TUBGCP3: variants seen among roughly 807,000 people sequenced by gnomAD.
The protein encoded by TUBGCP3 is tubulin gamma complex component 3.
A neutral mutation model predicts 123.1 loss-of-function variants in TUBGCP3; 50 were observed. The ratio of observed to expected loss-of-function variants is 0.41; its 90% CI spans 0.32 to 0.51. The LOEUF (loss-of-function observed/expected upper bound fraction) is 0.51. TUBGCP3 is among the 20% of genes least tolerant of loss of function. The pLI is 0.36. For synonymous variants in TUBGCP3, 405 were observed against 413.9 expected, an observed-to-expected ratio of 0.98 and a Z score of 0.26; for missense variants, 882 against 1,127.0, an observed-to-expected ratio of 0.78 and a Z score of 3.11.
chr13:112,486,886 T>C (rs1211022112), intron 21 of TUBGCP3, among the ~76,000 whole-genome samples: 2 of 152,240 alleles, frequency 1.3e-5, no homozygotes, highest in Middle Eastern at 3.2e-3. Context: ...GAAAACTCAC[T>C]GAGGCACTGC....
chr13:112,502,346 C>T lies in TUBGCP3; in HGVS notation c.2307+1686G>A, dbSNP rs181200608. On this transcript the variant is annotated intron_variant, in intron 19 of 21. Coordinates refer to ENST00000261965, the MANE Select transcript of TUBGCP3 (RefSeq NM_006322.6). ...ACAGGCCGTGCTGGCCAACAGCACA[C>T]GGGTCTAGGAACAGAGAGCTATTTG... Among the ~76,000 whole-genome samples the T allele has an allele frequency of 2.6e-5, 4 of 152,212 alleles. No homozygotes were observed. The East Asian group carries it at 5.8e-4, about 22-fold the overall frequency.
intron 8 of TUBGCP3, among the ~76,000 whole-genome samples, chr13:112,549,890 T>G (rs369210502): frequency 4.1e-5 from 6 of 147,448 alleles, no homozygotes; most frequent in African/African-American, 1.3e-4. Context: ...CTCAGGAGGC[T>G]GAGGCAGGAG....
At chr13:112,555,911 GGGACTCT>G (rs968681785) in intron 6 of TUBGCP3, 134 bp downstream of exon 6, 4 of 963,332 alleles carry the variant, frequency 4.2e-6, no homozygotes, top group Non-Finnish European at 2.9e-6. Context: ...CAGACCACCA[GGGACTCT>G]GGACTTCATC....
At chr13:112,537,039 T>C (rs1223240582) in intron 11 of TUBGCP3, among the ~76,000 whole-genome samples, 1 of 151,712 alleles carries the variant, frequency 6.6e-6, no homozygotes, top group East Asian at 1.9e-4. Context: ...CCTCCCAAAA[T>C]GCTGGGATTA....
chr13:112,515,084 A>G (rs1196982182), intron 17 of TUBGCP3, among the ~76,000 whole-genome samples: 1 of 152,238 alleles, frequency 6.6e-6, no homozygotes, highest in East Asian at 1.9e-4. Context: ...TCCCATACAT[A>G]GAAAACTGAT....
At chr13:112,551,159 A>C (rs1470825386) in intron 8 of TUBGCP3, among the ~76,000 whole-genome samples, 2 of 152,212 alleles carry the variant, frequency 1.3e-5, no homozygotes, top group Non-Finnish European at 1.5e-5. Flanking sequence ...CAACGTGTAG[A>C]ATCTAAGTAT....
In TUBGCP3 at chr13:112,547,617, G is replaced by A. The variant is rs1209141458; in HGVS notation, c.1168+3C>T. 1.3e-6 allele frequency: 2 copies of A among 1,521,498 alleles called. No individual in the cohort carries two copies. The highest frequency in any genetic ancestry group is 1.3e-5 in the South Asian group (1 of 78,890). The allele number at this position is 1,521,498 out of a possible 1,614,324, so 94.2% of individuals were successfully genotyped here. A position where few individuals can be genotyped will look rare whatever the true frequency, so the allele number is the denominator to read the frequency against. On this transcript the variant is annotated splice_donor_region_variant and intron_variant, in intron 10 of 21. Transcript: ENST00000261965. ...ACGTGCGTGGGAAAGACGCGCGTGG[G>A]ACCTTGGCAGTGGTCCACTAGGGCC...
At chr13:112,597,667 A>G in the TUBGCP3 span, among the ~76,000 whole-genome samples, 1 of 152,224 alleles carries the variant, frequency 6.6e-6, no homozygotes, top group South Asian at 2.1e-4. Context: ...AAAAACATTA[A>G]CTGAAATTAA....
chr13:112,584,359 G>C (rs1221662339), intron 1 of TUBGCP3, among the ~76,000 whole-genome samples: 3 of 152,136 alleles, frequency 2.0e-5, no homozygotes, highest in Non-Finnish European at 4.4e-5. Flanking sequence ...AATCCATCAA[G>C]TACAACTTGA....
intron 3 of TUBGCP3, among the ~76,000 whole-genome samples, chr13:112,562,011 G>A (rs1331487988): frequency 6.6e-6 from 1 of 152,156 alleles, no homozygotes; most frequent in Non-Finnish European, 1.5e-5. Context: ...GACGGAAACA[G>A]GGAAACCACA....
chr13:112,545,398 A>G lies in TUBGCP3; in HGVS notation c.1335+301T>C, dbSNP rs1286956851. On this transcript the variant is annotated intron_variant, in intron 11 of 21. Transcript: ENST00000261965. The surrounding 1 kb of genome is among the most constrained non-coding windows in gnomAD (Gnocchi z 4.1). ...AATCTGCGATGATGACTGCCCCAAGACTCAGGAGGCCTCGTCCTGTTTTGC... is the reference window on the plus strand; with the variant it reads ...AATCTGCGATGATGACTGCCCCAAGGCTCAGGAGGCCTCGTCCTGTTTTGC... The G allele has an allele frequency of 3.0e-6, 1 of 333,874 alleles. No individual in the cohort carries two copies. The highest frequency in any genetic ancestry group is 5.3e-5 in the East Asian group (1 of 18,774). 20.7% of individuals were successfully genotyped at this position (333,874 alleles called of 1,614,324 possible). A position where few individuals can be genotyped will look rare whatever the true frequency, so the allele number is the denominator to read the frequency against.
intron 11 of TUBGCP3, among the ~76,000 whole-genome samples, chr13:112,532,312 C>A (rs926787219): frequency 3.3e-5 from 5 of 152,180 alleles, no homozygotes; most frequent in African/African-American, 1.2e-4. Context: ...ATTTCAGTAA[C>A]ACAGCAACAG....
intron 8 of TUBGCP3, among the ~76,000 whole-genome samples, chr13:112,549,815 CCT>C (rs1467426267): frequency 2.0e-4 from 31 of 151,716 alleles, no homozygotes; most frequent in African/African-American, 5.8e-4. Flanking sequence ...TGGTGAGACC[CCT>C]GTCTCTACTA....
intron 21 of TUBGCP3, among the ~76,000 whole-genome samples, chr13:112,487,508 C>A (rs537490183): frequency 2.0e-5 from 3 of 152,290 alleles, no homozygotes; most frequent in African/African-American, 7.2e-5. Context: ...GAAATAAGCA[C>A]ACAGACAAAT....
the TUBGCP3 span, chr13:112,605,449 G>A: frequency 6.6e-6 from 1 of 152,206 alleles, no homozygotes; most frequent in South Asian, 2.1e-4. Context: ...AGCTCAGGCT[G>A]TCAGCCACCT....
intron 1 of TUBGCP3, among the ~76,000 whole-genome samples, chr13:112,579,107 T>A (rs1487060399): frequency 6.6e-6 from 1 of 152,036 alleles, no homozygotes; most frequent in Non-Finnish European, 1.5e-5. Context: ...CACAAAGACA[T>A]AAGCAAAAGT....
chr13:112,543,425 A>T (rs1303637803), intron 11 of TUBGCP3, among the ~76,000 whole-genome samples: 1 of 152,240 alleles, frequency 6.6e-6, no homozygotes, highest in African/African-American at 2.4e-5. Flanking sequence ...CAAATCCAAT[A>T]TGCAATCCCT....
chr13:112,569,142 A>G lies in TUBGCP3; in HGVS notation c.184+10T>C, dbSNP rs368216890. On this transcript the variant is annotated intron_variant, in intron 2 of 21. Transcript: ENST00000261965. ...GAATCCAACACATGACATTTAAGAA[A>G]AATACGTACGCTCTTTCTTGATTTT... 1 of 1,613,738 alleles carries G rather than the reference A, an allele frequency of 6.2e-7. No homozygotes were observed. The highest frequency in any genetic ancestry group is 1.3e-5 in the African/African-American group (1 of 74,912).
At chr13:112,585,884 A>C (rs948824021) in intron 1 of TUBGCP3, among the ~76,000 whole-genome samples, 1 of 152,134 alleles carries the variant, frequency 6.6e-6, no homozygotes, top group Admixed American at 6.5e-5. Context: ...TGCTGAAAAG[A>C]AGCTTTTCAG....
Sources: allele counts gnomAD v4.1 joint callset (sites outside exome capture counted in the v4.1 genomes callset), GRCh38; gene constraint gnomAD v4.1.1; non-coding constraint Gnocchi (gnomAD v3.1); transcripts MANE v1.5; gene names NCBI Gene and HGNC (gene_info 2026-07-23, HGNC 2026-07-21).